Variants in NAV2 observed in about 807,000 individuals in gnomAD.
NAV2 encodes the protein neuron navigator 2.
Under a neutral mutation model 223.2 loss-of-function variants are expected in NAV2, and 54 were observed. The observed-to-expected ratio is 0.24, with a 90% CI of 0.19 to 0.30. The LOEUF (loss-of-function observed/expected upper bound fraction) is 0.30. NAV2 is among the 10% of genes least tolerant of loss of function. The probability of loss-of-function intolerance (pLI) is 1.00; values close to 1 mark genes in which losing one functional copy is unlikely to be tolerated. For missense variants in NAV2, 2,806 were observed against 3,147.5 expected, an observed-to-expected ratio of 0.89 and a Z score of 2.60; for synonymous variants, 1,279 against 1,239.3, an observed-to-expected ratio of 1.03 and a Z score of -0.67.
chr11:19,825,463 C>G (rs771531135), intron 1 of NAV2, among the ~76,000 whole-genome samples: 1 of 152,146 alleles, frequency 6.6e-6, no homozygotes, highest in Non-Finnish European at 1.5e-5. Context: ...AGTCTCCACA[C>G]TGGCATTTCC....
intron 1 of NAV2, among the ~76,000 whole-genome samples, chr11:19,759,721 T>C (rs2054568777): frequency 6.6e-6 from 1 of 152,158 alleles, no homozygotes; most frequent in South Asian, 2.1e-4. Context: ...GTTTGTAAAA[T>C]ATAAATAATA....
chr11:20,042,078 C>T (rs982496536), intron 12 of NAV2, among the ~76,000 whole-genome samples: 2 of 152,130 alleles, frequency 1.3e-5, no homozygotes, highest in Admixed American at 6.5e-5. Flanking sequence ...TCTGACCCTC[C>T]GTGGTGCCTG....
intron 31 of NAV2, among the ~76,000 whole-genome samples, chr11:20,100,719 G>A (rs2061581889): frequency 6.6e-6 from 1 of 152,122 alleles, no homozygotes; most frequent in South Asian, 2.1e-4. Flanking sequence ...GCCAAGACAG[G>A]AGACAGAAGC....
At chr11:19,968,622 TTA>T (rs1191970900) in intron 10 of NAV2, among the ~76,000 whole-genome samples, 1 of 152,216 alleles carries the variant, frequency 6.6e-6, no homozygotes, top group Non-Finnish European at 1.5e-5. Flanking sequence ...CCCATTTGAA[TTA>T]TGATTTTAGC....
At chr11:19,535,258 T>TG (rs1424656632) in intron 1 of NAV2, among the ~76,000 whole-genome samples, 1 of 152,094 alleles carries the variant, frequency 6.6e-6, no homozygotes, top group African/African-American at 2.4e-5. Context: ...TCCTGGGACT[T>TG]GGAGCAGCTA....
chr11:19,400,571 C>G (rs954074868), intron 1 of NAV2, among the ~76,000 whole-genome samples: 1 of 152,188 alleles, frequency 6.6e-6, no homozygotes, highest in African/African-American at 2.4e-5. Context: ...GTGAGTAGGT[C>G]ATTCACCTGC....
chr11:19,881,514 G>A (rs1222667424), intron 5 of NAV2, among the ~76,000 whole-genome samples: 3 of 152,142 alleles, frequency 2.0e-5, no homozygotes, highest in African/African-American at 7.2e-5. Flanking sequence ...AGTTCTGTGG[G>A]GGGAAAATAT....
At chr11:20,043,466 G>A (rs2057138330) in intron 12 of NAV2, among the ~76,000 whole-genome samples, 2 of 151,278 alleles carry the variant, frequency 1.3e-5, no homozygotes, top group South Asian at 4.2e-4. Flanking sequence ...CTTCTTTTTT[G>A]AGACAGTCTC....
chr11:19,414,292 T>C (rs1470425205), intron 1 of NAV2, among the ~76,000 whole-genome samples: 4 of 152,066 alleles, frequency 2.6e-5, no homozygotes, highest in Admixed American at 2.6e-4. Flanking sequence ...CGGGTTGCAA[T>C]CCTAGTTCTC....
At chr11:19,443,088 T>A (rs767777818) in intron 1 of NAV2, among the ~76,000 whole-genome samples, 12 of 152,124 alleles carry the variant, frequency 7.9e-5, no homozygotes, top group Non-Finnish European at 1.8e-4. Context: ...GAGACATGAA[T>A]CTTGGGCATC....
At chr11:19,877,172 C>T (rs1257142376) in intron 4 of NAV2, among the ~76,000 whole-genome samples, 1 of 151,874 alleles carries the variant, frequency 6.6e-6, no homozygotes, top group Non-Finnish European at 1.5e-5. Flanking sequence ...GCTTCTGTTT[C>T]CCCTTATGTG....
At chr11:19,671,851 G>A (rs1364158594) in intron 1 of NAV2, among the ~76,000 whole-genome samples, 5 of 152,178 alleles carry the variant, frequency 3.3e-5, no homozygotes, top group African/African-American at 1.2e-4. Flanking sequence ...CCTGGTTTAG[G>A]TAAACAAACC....
At chr11:19,658,834 A>G (rs1478298630) in intron 1 of NAV2, among the ~76,000 whole-genome samples, 1 of 152,216 alleles carries the variant, frequency 6.6e-6, no homozygotes. Flanking sequence ...CCAATATTCC[A>G]GTACATGACT....
At chr11:19,826,933 AC>A in intron 1 of NAV2, among the ~76,000 whole-genome samples, 1 of 152,186 alleles carries the variant, frequency 6.6e-6, no homozygotes, top group African/African-American at 2.4e-5. Context: ...GTGACGCACT[AC>A]CAGGAGTGCA....
At chr11:19,862,104 A>G (rs1456962408) in intron 3 of NAV2, among the ~76,000 whole-genome samples, 2 of 152,254 alleles carry the variant, frequency 1.3e-5, no homozygotes, top group African/African-American at 2.4e-5. Flanking sequence ...TAGTCACTGG[A>G]GGAATTTGAG....
chr11:19,431,301 C>A, intron 1 of NAV2, among the ~76,000 whole-genome samples: 1 of 152,148 alleles, frequency 6.6e-6, no homozygotes, highest in East Asian at 1.9e-4. Context: ...TCTTCTAGTT[C>A]TTTGCTGCGT....
chr11:20,106,183 G>GTATATATATATATATATA, intron 35 of NAV2, among the ~76,000 whole-genome samples: 1 of 25,538 alleles, frequency 3.9e-5, no homozygotes, highest in Admixed American at 3.9e-4. Context: ...ATATGTGTGT[G>GTATATATATATATATATA]TATATATATA....
intron 1 of NAV2, among the ~76,000 whole-genome samples, chr11:19,392,539 A>G (rs1240935837): frequency 1.3e-5 from 2 of 152,068 alleles, no homozygotes; most frequent in African/African-American, 2.4e-5. Context: ...TTTCCTTACA[A>G]TGTGGTTGCT....
intron 10 of NAV2, among the ~76,000 whole-genome samples, chr11:19,981,813 G>C (rs2050314333): frequency 6.6e-6 from 1 of 152,158 alleles, no homozygotes; most frequent in African/African-American, 2.4e-5. Context: ...TCTGTTGGAG[G>C]GTGGCTGGAT....
Sources: gnomAD v4.1 joint callset for allele counts (sites outside exome capture counted in the v4.1 genomes callset) on GRCh38, gnomAD v4.1.1 for gene constraint, MANE v1.5 for transcripts, NCBI Gene and HGNC (gene_info 2026-07-23, HGNC 2026-07-21) for gene names.